Variants in TRPM2 observed in about 807,000 individuals in gnomAD.
TRPM2 encodes estrogen-responsive element-associated gene 1 protein.
In TRPM2, 161 loss-of-function variants were observed where a neutral mutation model predicts 174.0. The observed-to-expected ratio is 0.93, with a 90% confidence interval of 0.81 to 1.05. The LOEUF (loss-of-function observed/expected upper bound fraction) is 1.05, where lower values mean the gene tolerates loss of function less well. Among genes scored for constraint, TRPM2 ranks in the 50% least tolerant of loss-of-function variants. TRPM2 has a pLI of 0.00. For missense variants in TRPM2, 2,057 were observed against 2,038.0 expected (o/e 1.01, Z -0.18); for synonymous variants, 954 against 861.3 (o/e 1.11, Z -1.88).
intron 23 of TRPM2, 118 bp downstream of exon 23, chr21:44,423,850 G>T (rs1401555308): frequency 1.2e-6 from 1 of 862,162 alleles, no homozygotes; most frequent in Admixed American, 2.1e-5. Context: ...GGAGGAGGCC[G>T]GAACGTTGGG....
intron 19 of TRPM2, among the ~76,000 whole-genome samples, chr21:44,411,771 C>T (rs1224695081): frequency 6.6e-6 from 1 of 152,178 alleles, no homozygotes; most frequent in East Asian, 1.9e-4. Context: ...AAGTTCCCTT[C>T]TATTCCTAGT....
chr21:44,440,077 C>T (rs1371801779), intron 30 of TRPM2, among the ~76,000 whole-genome samples: 1 of 151,066 alleles, frequency 6.6e-6, no homozygotes, highest in East Asian at 2.0e-4. Context: ...TGGCTCACAC[C>T]TGTAATCCCA....
intron 20 of TRPM2, among the ~76,000 whole-genome samples, chr21:44,417,374 C>T (rs1164287044): frequency 9.9e-6 from 1 of 101,444 alleles, no homozygotes; most frequent in African/African-American, 3.9e-5. Flanking sequence ...TCTGGCATCA[C>T]AGTGGGCACG....
At position 44,376,152 on chromosome 21, in the gene TRPM2, A is replaced by G. The variant is rs1412908154; in HGVS notation, c.952+139A>G. On this transcript the variant is annotated intron_variant, in intron 6 of 31. Coordinates refer to ENST00000397928, the MANE Select transcript of TRPM2 (RefSeq NM_003307.4). This position sits in a 1 kb window ranked among gnomAD's most constrained non-coding sequence, Gnocchi z 4.2. ...AGTGCAGTGGGCTGGTCAGAGTGTC[A>G]GGTACAGCTGGTCACAGGTCATTCG... 9.6e-7 allele frequency: 1 copy of G among 1,041,478 alleles called. No homozygotes were observed. The highest frequency in any genetic ancestry group is 1.6e-5 in the African/African-American group (1 of 62,302). 64.5% of individuals were successfully genotyped at this position (1,041,478 alleles called of 1,614,324 possible). A position where few individuals can be genotyped will look rare whatever the true frequency, so the allele number is the denominator to read the frequency against.
At chr21:44,429,114 C>T (rs1215671814) in intron 27 of TRPM2, among the ~76,000 whole-genome samples, 1 of 152,012 alleles carries the variant, frequency 6.6e-6, no homozygotes, top group African/African-American at 2.4e-5. Context: ...GATAATGAGT[C>T]TTCTATGACT....
At chr21:44,392,733 A>G (rs2049222293) in intron 11 of TRPM2, among the ~76,000 whole-genome samples, 1 of 152,078 alleles carries the variant, frequency 6.6e-6, no homozygotes, top group South Asian at 2.1e-4. Flanking sequence ...TTGCGTCCAT[A>G]ACATACCCTT....
intron 30 of TRPM2, among the ~76,000 whole-genome samples, chr21:44,440,063 G>A (rs1460067729): frequency 6.6e-6 from 1 of 151,252 alleles, no homozygotes; most frequent in Admixed American, 6.6e-5. Flanking sequence ...CGGGCCGGGT[G>A]CGCTGGCTCA....
intron 19 of TRPM2, among the ~76,000 whole-genome samples, chr21:44,412,151 G>T (rs566856670): frequency 5.9e-5 from 9 of 152,284 alleles, no homozygotes; most frequent in African/African-American, 2.2e-4. Context: ...TATTTTGGAA[G>T]AGTTTGTAAA....
chr21:44,421,291 C>T (rs2050541147), intron 22 of TRPM2, among the ~76,000 whole-genome samples: 1 of 151,798 alleles, frequency 6.6e-6, no homozygotes. Context: ...GCACTCCAGC[C>T]TGGGCGACAG....
chr21:44,401,658 C>CCT, intron 15 of TRPM2, 23 bp from the exon 16 acceptor site: 2 of 1,609,670 alleles, frequency 1.2e-6, no homozygotes, highest in Non-Finnish European at 1.7e-6. Flanking sequence ...GTCACTGTCT[C>CCT]CTCTCTGCTG....
At chr21:44,414,457 C>A in intron 20 of TRPM2, 1 of 215,442 alleles carries the variant, frequency 4.6e-6, no homozygotes, top group Non-Finnish European at 9.5e-6. Flanking sequence ...CTGCTCTACC[C>A]GGGGAGCGTG....
Position 44,432,796 on chromosome 21 carries a change from C to T in TRPM2, c.3975-2335C>T, listed in dbSNP as rs773620191. 1.3e-5 allele frequency among the ~76,000 whole-genome samples: 2 copies of T among 152,204 alleles called. No homozygotes were observed. Among genetic ancestry groups the T allele is most frequent in the Non-Finnish European group, 2.9e-5 (2 of 68,042 alleles). On this transcript the variant is annotated intron_variant, in intron 27 of 31. Coordinates refer to ENST00000397928, the MANE Select transcript of TRPM2 (RefSeq NM_003307.4). The surrounding 1 kb of genome is among the most constrained non-coding windows in gnomAD (Gnocchi z 4.9). ...GCCAGCTCTCCACCCCTCAACCCACCTGCATTTCTGGAGCTGAGTGGATGA... is the reference window on the plus strand; with the variant it reads ...GCCAGCTCTCCACCCCTCAACCCACTTGCATTTCTGGAGCTGAGTGGATGA...
chr21:44,385,025 G>A (rs1165363450), intron 9 of TRPM2, among the ~76,000 whole-genome samples: 3 of 152,164 alleles, frequency 2.0e-5, no homozygotes, highest in Non-Finnish European at 2.9e-5. Context: ...ACATTGATAC[G>A]AAATTCTTCA....
chr21:44,406,554 G>A (rs756814434), intron 18 of TRPM2, 40 bp from the exon 19 acceptor site: 2 of 1,578,600 alleles, frequency 1.3e-6, no homozygotes, highest in East Asian at 2.2e-5. Context: ...TGAGCATCGG[G>A]GGCCAGGAGA....
At chr21:44,380,643 C>T (rs925228059) in intron 8 of TRPM2, among the ~76,000 whole-genome samples, 16 of 152,154 alleles carry the variant, frequency 1.1e-4, no homozygotes, top group Non-Finnish European at 1.2e-4. Flanking sequence ...AGGGTCAGTG[C>T]GCTCCTTTAA....
At chr21:44,397,980 G>C in intron 13 of TRPM2, 104 bp downstream of exon 13, 2 of 1,348,928 alleles carry the variant, frequency 1.5e-6, no homozygotes, top group Non-Finnish European at 1.9e-6. Flanking sequence ...TCACCCTGGG[G>C]TCCTCGTCCC....
At chr21:44,380,206 T>G (rs2048837875) in intron 8 of TRPM2, among the ~76,000 whole-genome samples, 1 of 152,208 alleles carries the variant, frequency 6.6e-6, no homozygotes, top group Non-Finnish European at 1.5e-5. Context: ...CTTGTTTCCT[T>G]CTGTGCTTTG....
rs559481335 is a variant in TRPM2 at position 44,392,589 on chromosome 21, A to G, written c.1794+964A>G. ...CCTCACCCCTCTTTTTATAAAGAGA[A>G]CACACCTATCCACTTAGGAACCCAC... is the stretch of plus-strand genomic sequence containing the variant. On this transcript the variant is annotated intron_variant, in intron 11 of 31. Coordinates refer to ENST00000397928, the MANE Select transcript of TRPM2 (RefSeq NM_003307.4). Among the ~76,000 whole-genome samples the G allele has an allele frequency of 7.9e-5, 12 of 152,134 alleles. No individual in the cohort carries two copies. The East Asian group carries it at 2.3e-3, about 29-fold the overall frequency.
chr21:44,414,195 C>A, intron 20 of TRPM2, 121 bp downstream of exon 20: 1 of 1,283,960 alleles, frequency 7.8e-7, no homozygotes, highest in African/African-American at 1.5e-5. Flanking sequence ...TGCACAGAGG[C>A]GCGTCACTCA....
Sources: allele counts gnomAD v4.1 joint callset (sites outside exome capture counted in the v4.1 genomes callset), GRCh38; gene constraint gnomAD v4.1.1; non-coding constraint Gnocchi (gnomAD v3.1); transcripts MANE v1.5; gene names NCBI Gene and HGNC (gene_info 2026-07-23, HGNC 2026-07-21).